Variants in HNF4G observed in about 807,000 individuals in gnomAD.
HNF4G encodes hepatocyte nuclear factor 4-gamma.
Under a neutral mutation model 50.9 loss-of-function variants are expected in HNF4G, and 21 were observed. That is an observed-to-expected ratio of 0.41 (90% CI 0.29 to 0.59). The LOEUF (loss-of-function observed/expected upper bound fraction) is 0.59. Among genes scored for constraint, HNF4G ranks in the 20% least tolerant of loss-of-function variants. The pLI is 0.26. For missense variants in HNF4G, 527 were observed against 559.4 expected (o/e 0.94, Z 0.58); for synonymous variants, 198 against 185.6 (o/e 1.07, Z -0.54).
chr8:75,494,927 G>A lies in HNF4G; in HGVS notation c.-24+4719G>A, dbSNP rs73690925. Among the ~76,000 whole-genome samples the A allele has an allele frequency of 4.9e-3, 749 of 152,188 alleles. 4 individuals carry two copies. The highest frequency in any genetic ancestry group is 0.017 in the African/African-American group (710 of 41,518). On this transcript the variant is annotated intron_variant, in intron 2 of 10. Coordinates refer to the HNF4G transcript ENST00000354370. ...TTATGACCTGCTATCTATAAGCAAG[G>A]TGATGTTTTTGGTGTTAAGGAAACT...
At chr8:75,457,857 T>C (rs1364333294) in intron 1 of HNF4G, among the ~76,000 whole-genome samples, 1 of 152,112 alleles carries the variant, frequency 6.6e-6, no homozygotes, top group Non-Finnish European at 1.5e-5. Context: ...ATATTATGTG[T>C]GCGTGTGTGT....
intron 1 of HNF4G, among the ~76,000 whole-genome samples, chr8:75,415,457 A>G (rs1350204112): frequency 6.6e-6 from 1 of 152,166 alleles, no homozygotes; most frequent in Non-Finnish European, 1.5e-5. Flanking sequence ...AGTAAAATAG[A>G]AAAAGGTGAT....
rs57396076 is a variant in HNF4G at position 75,503,303 on chromosome 8, C to T, written c.-24+13095C>T. Among the ~76,000 whole-genome samples the T allele has an allele frequency of 1.4e-3, 214 of 152,144 alleles. 1 individual carries two copies. The highest frequency in any genetic ancestry group is 4.5e-3 in the African/African-American group (187 of 41,526). ...CTTTGTAAAATAAAGAGAAAAATGGCGATCACCTACAGAGCTATAAGTATT... is the reference window on the plus strand; with the variant it reads ...CTTTGTAAAATAAAGAGAAAAATGGTGATCACCTACAGAGCTATAAGTATT... On this transcript the variant is annotated intron_variant, in intron 2 of 10. Coordinates refer to the HNF4G transcript ENST00000354370.
Position 75,543,857 on chromosome 8 carries a change from C to A in HNF4G, c.165C>A (p.Val55=). 6.2e-7 allele frequency: 1 copy of A among 1,613,342 alleles called. No homozygotes were observed. Among genetic ancestry groups the A allele is most frequent in the Non-Finnish European group, 8.5e-7 (1 of 1,179,668 alleles). ...ETSMNTTDNG[V]NCLCAICGDR... Reference sequence around the variant, plus strand: ...GTATGAATACCACAGACAACGGTGTCAACTGTCTGTGTGCTATCTGTGGGG... The same window carrying A: ...GTATGAATACCACAGACAACGGTGTAAACTGTCTGTGTGCTATCTGTGGGG... The change falls in exon 2 of 10, where the codon GTC becomes GTA. Residue 55 remains valine (V), a synonymous_variant. Coordinates refer to ENST00000396423, the MANE Select transcript of HNF4G (RefSeq NM_004133.5).
intron 2 of HNF4G, among the ~76,000 whole-genome samples, chr8:75,500,750 C>A (rs1812905026): frequency 6.6e-6 from 1 of 152,012 alleles, no homozygotes; most frequent in African/African-American, 2.4e-5. Flanking sequence ...CTAAGTGAAA[C>A]AAGACACACA....
chr8:75,552,446 T>A (rs1806986499), intron 4 of HNF4G, among the ~76,000 whole-genome samples: 2 of 151,350 alleles, frequency 1.3e-5, no homozygotes, highest in African/African-American at 4.9e-5. Context: ...AGTCTAAAAT[T>A]ACAAATTTAC....
intron 1 of HNF4G, among the ~76,000 whole-genome samples, chr8:75,468,519 C>T (rs545899978): frequency 1.4e-3 from 210 of 152,162 alleles, no homozygotes; most frequent in African/African-American, 4.8e-3. Flanking sequence ...CATGTTGAAA[C>T]CCCGTCTCTA....
intron 1 of HNF4G, among the ~76,000 whole-genome samples, chr8:75,426,216 GT>G (rs1331736531): frequency 1.3e-5 from 2 of 151,984 alleles, no homozygotes; most frequent in Admixed American, 6.6e-5. Flanking sequence ...TTGTCATACT[GT>G]TTTGGCTGTA....
chr8:75,427,191 A>G (rs945274559), intron 1 of HNF4G, among the ~76,000 whole-genome samples: 1 of 152,178 alleles, frequency 6.6e-6, no homozygotes, highest in Non-Finnish European at 1.5e-5. Context: ...CTTTGAATGC[A>G]TGTTACCTTG....
At chr8:75,455,255 A>G (rs1303146454) in intron 1 of HNF4G, among the ~76,000 whole-genome samples, 1 of 152,206 alleles carries the variant, frequency 6.6e-6, no homozygotes, top group East Asian at 1.9e-4. Context: ...TTCCTGAAAC[A>G]TACAATTTTT....
rs186485719 is a variant in HNF4G at position 75,541,519 on chromosome 8, T to C, written c.118+1439T>C. Among the ~76,000 whole-genome samples, 3 of 152,218 alleles carry C rather than the reference T, an allele frequency of 2.0e-5. No individual in the cohort carries two copies. The East Asian group carries it at 5.8e-4, about 29-fold the overall frequency. ...CCTAAGCATATTCTCATTAAAATTTTTTTCTACTTCATGAAATTATATATG... is the reference window on the plus strand; with the variant it reads ...CCTAAGCATATTCTCATTAAAATTTCTTTCTACTTCATGAAATTATATATG... On this transcript the variant is annotated intron_variant, in intron 1 of 9. Transcript: ENST00000396423.
intron 1 of HNF4G, among the ~76,000 whole-genome samples, chr8:75,417,321 A>T (rs1236694543): frequency 6.6e-6 from 1 of 152,232 alleles, no homozygotes; most frequent in African/African-American, 2.4e-5. Context: ...ACATTTATTC[A>T]GTTTATGTGT....
intron 1 of HNF4G, among the ~76,000 whole-genome samples, chr8:75,446,969 G>A (rs1305299528): frequency 9.7e-5 from 14 of 144,372 alleles, no homozygotes; most frequent in African/African-American, 1.3e-4. Flanking sequence ...AGCCCGCATC[G>A]CCAAGCCAAT....
intron 2 of HNF4G, among the ~76,000 whole-genome samples, chr8:75,492,731 C>T (rs1461815076): frequency 6.6e-6 from 1 of 152,106 alleles, no homozygotes; most frequent in African/African-American, 2.4e-5. Context: ...TTCTATCCAT[C>T]CCAGCTGACC....
upstream of HNF4G, among the ~76,000 whole-genome samples, chr8:75,537,276 C>T (rs2130777180): frequency 6.6e-6 from 1 of 152,224 alleles, no homozygotes; most frequent in South Asian, 2.1e-4. Context: ...CAAACTCTCA[C>T]TCTGTCCTCC....
intron 2 of HNF4G, among the ~76,000 whole-genome samples, chr8:75,507,457 C>T (rs1172539115): frequency 2.6e-5 from 4 of 152,068 alleles, no homozygotes; most frequent in Non-Finnish European, 5.9e-5. Context: ...GATGGGATTT[C>T]ACCATCATGG....
intron 1 of HNF4G, among the ~76,000 whole-genome samples, chr8:75,429,701 A>G (rs1220378205): frequency 6.6e-6 from 1 of 152,166 alleles, no homozygotes; most frequent in Admixed American, 6.6e-5. Flanking sequence ...TTCCTTTTAA[A>G]GCAGAAAGGC....
Position 75,518,235 on chromosome 8 carries a change from G to T in HNF4G, c.-23-25576G>T, listed in dbSNP as rs191184679. ...TTCCCACCTATGAGTGAGAACATGTGGTGTTTGGTTTTTTTGTCCTTGTGA... is the reference window on the plus strand; with the variant it reads ...TTCCCACCTATGAGTGAGAACATGTTGTGTTTGGTTTTTTTGTCCTTGTGA... On this transcript the variant is annotated intron_variant, in intron 2 of 10. Transcript: ENST00000354370. Among the ~76,000 whole-genome samples the T allele has an allele frequency of 2.0e-3, 302 of 147,806 alleles. 3 individuals carry two copies. The highest frequency in any genetic ancestry group is 6.6e-3 in the African/African-American group (264 of 39,846).
At chr8:75,479,577 A>ATTT (rs66931689) in intron 1 of HNF4G, among the ~76,000 whole-genome samples, 4 of 144,556 alleles carry the variant, frequency 2.8e-5, no homozygotes, top group Non-Finnish European at 4.6e-5. Flanking sequence ...CTTCATTTGC[A>ATTT]TTTTTTTTTT....
Sources: allele counts gnomAD v4.1 joint callset (sites outside exome capture counted in the v4.1 genomes callset), GRCh38; gene constraint gnomAD v4.1.1; transcripts MANE v1.5; gene names NCBI Gene and HGNC (gene_info 2026-07-23, HGNC 2026-07-21).